The following TNS1 variants were observed in gnomAD, a reference collection of about 807,000 sequenced individuals.
TNS1 encodes the protein tensin 1.
Under a neutral mutation model 168.6 loss-of-function variants are expected in TNS1, and 62 were observed. That is an observed-to-expected ratio of 0.37 (90% CI 0.30 to 0.45). TNS1 has a LOEUF of 0.45. Ranked by LOEUF, TNS1 falls within the 20% of genes least tolerant of loss-of-function variation. TNS1 has a pLI of 1.00. For synonymous variants in TNS1, 934 were observed against 933.2 expected, an observed-to-expected ratio of 1.00 and a Z score of -0.02; for missense variants, 2,240 against 2,339.4, an observed-to-expected ratio of 0.96 and a Z score of 0.88.
chr2:217,974,463 A>G (rs1957843333), intron 3 of TNS1, among the ~76,000 whole-genome samples: 1 of 152,100 alleles, frequency 6.6e-6, no homozygotes, highest in African/African-American at 2.4e-5. Context: ...TTATCCCTTT[A>G]TAGGCACTCC....
rs1941352075 is a variant in TNS1 at position 217,813,528 on chromosome 2, T to C, written c.4861+157A>G. Among the ~76,000 whole-genome samples the C allele has an allele frequency of 6.6e-6, 1 of 152,044 alleles. No homozygotes were observed. The highest frequency in any genetic ancestry group is 2.4e-5 in the African/African-American group (1 of 41,390). On this transcript the variant is annotated intron_variant, in intron 26 of 32. Coordinates refer to ENST00000682258, the MANE Select transcript of TNS1 (RefSeq NM_001387777.1). The surrounding 1 kb of genome is among the most constrained non-coding windows in gnomAD (Gnocchi z 4.0). Reference sequence around the variant, plus strand: ...ACCCAATCGTCCTGCTTTCCCAATCTCTGACCTCAACCATCACCAAGCCCA... The same window carrying C: ...ACCCAATCGTCCTGCTTTCCCAATCCCTGACCTCAACCATCACCAAGCCCA...
intron 19 of TNS1, among the ~76,000 whole-genome samples, chr2:217,845,737 G>A (rs1946552563): frequency 6.6e-6 from 1 of 152,184 alleles, no homozygotes; most frequent in Non-Finnish European, 1.5e-5. Context: ...GGAGAGAAAG[G>A]GCTAAAAGGC....
At chr2:217,849,266 C>T (rs1231872259) in intron 18 of TNS1, among the ~76,000 whole-genome samples, 179 bp from the exon 19 acceptor site, 2 of 152,190 alleles carry the variant, frequency 1.3e-5, no homozygotes, top group Non-Finnish European at 2.9e-5. Context: ...CTACCCCAGG[C>T]TTTGGGGCAG....
In TNS1 at chr2:217,893,468, G is replaced by C. The variant is rs1951962808; in HGVS notation, c.688C>G (p.Pro230Ala). 1.1e-5 allele frequency: 17 copies of C among 1,610,888 alleles called. No homozygotes were observed. The highest frequency in any genetic ancestry group is 1.3e-5 in the African/African-American group (1 of 74,750). Residue 230 changes from proline to alanine, a missense_variant, in exon 10 of 33, where the codon CCT becomes GCT. Pro to Ala is a conservative substitution (Grantham distance 27). This residue lies in a region of TNS1 where 2,131 missense variants were observed against 2,171.2 expected (regional missense o/e 0.98). Transcript: ENST00000682258. ...TTGTGTAGAACAACGACATTGTGAG[G>C]GTCTGCATTGAGCCATGTGTCCATG... ...KAMDTWLNADPHNVVVLHNKG... is the reference protein window; with the variant it reads ...KAMDTWLNADAHNVVVLHNKG...
intron 8 of TNS1, among the ~76,000 whole-genome samples, chr2:217,895,483 C>T (rs114701450): frequency 0.022 from 3,346 of 152,300 alleles, 65 homozygotes; most frequent in Non-Finnish European, 0.033. Flanking sequence ...TCTCCAGTTC[C>T]GCTTGCCTCT....
intron 18 of TNS1, chr2:217,879,194 T>C (rs1362191670): frequency 2.8e-5 from 8 of 285,524 alleles, no homozygotes; most frequent in Non-Finnish European, 5.5e-5. Flanking sequence ...TTAATTATTT[T>C]ACCTTTTATT....
chr2:217,996,055 T>C (rs897179477), intron 1 of TNS1, among the ~76,000 whole-genome samples: 4 of 152,090 alleles, frequency 2.6e-5, no homozygotes, highest in Non-Finnish European at 4.4e-5. Flanking sequence ...AAAGTCTGTT[T>C]GTTGGTTCCT....
At chr2:217,941,796 A>G (rs1956925045) in intron 3 of TNS1, among the ~76,000 whole-genome samples, 1 of 152,140 alleles carries the variant, frequency 6.6e-6, no homozygotes, top group Admixed American at 6.5e-5. Flanking sequence ...CTGACCCACC[A>G]GGGTCCTTAG....
intron 3 of TNS1, among the ~76,000 whole-genome samples, chr2:217,920,561 G>T (rs1263803173): frequency 2.9e-5 from 4 of 136,798 alleles, no homozygotes; most frequent in Non-Finnish European, 6.1e-5. Flanking sequence ...ATAAGAAGAA[G>T]GATTTTTTTT....
At position 217,884,206 on chromosome 2, in the gene TNS1, T is replaced by C. The variant is rs1384614322; in HGVS notation, c.1246+829A>G. Among the ~76,000 whole-genome samples the C allele has an allele frequency of 2.9e-5, 4 of 136,496 alleles. No individual in the cohort carries two copies. The East Asian group carries it at 8.5e-4, about 29-fold the overall frequency. 89.5% of individuals were successfully genotyped at this position (136,496 alleles called of 152,430 possible). Reference sequence around the variant, plus strand: ...GGATGGGTGGGCAGATGAATGAATATGTGGATGGATGGACAGATTAATGAA... The same window carrying C: ...GGATGGGTGGGCAGATGAATGAATACGTGGATGGATGGACAGATTAATGAA... On this transcript the variant is annotated intron_variant, in intron 16 of 32. Coordinates refer to ENST00000682258, the MANE Select transcript of TNS1 (RefSeq NM_001387777.1).
rs145403143 is a variant in TNS1, at chr2:217,816,425, C to T, written c.4642+1265G>A. Among the ~76,000 whole-genome samples, 53 of 152,282 alleles carry T rather than the reference C, an allele frequency of 3.5e-4. 1 individual carries two copies. The East Asian group carries it at 9.9e-3, about 28-fold the overall frequency. ...AGTCAATTTCAACCTATGATTTACA[C>T]TCCCTTATGCTTCTGGGATCTGTCT... On this transcript the variant is annotated intron_variant, in intron 24 of 32. Transcript: ENST00000682258.
chr2:217,957,917 G>T (rs1458992334), intron 3 of TNS1, among the ~76,000 whole-genome samples: 2 of 147,246 alleles, frequency 1.4e-5, no homozygotes, highest in East Asian at 4.1e-4. Context: ...ATGGATGGTT[G>T]TTGAAGCCGG....
intron 17 of TNS1, chr2:217,881,297 C>A: frequency 2.8e-6 from 1 of 355,020 alleles, no homozygotes; most frequent in African/African-American, 2.1e-5. Flanking sequence ...CGGGGAGGAC[C>A]CCTGGCTGGG....
At chr2:217,890,051 C>T (rs1470950223) in intron 12 of TNS1, among the ~76,000 whole-genome samples, 5 of 152,246 alleles carry the variant, frequency 3.3e-5, no homozygotes, top group Non-Finnish European at 5.9e-5. Flanking sequence ...TAGGCCTTCA[C>T]GTACTTTCCA....
intron 22 of TNS1, chr2:217,830,259 C>T: frequency 1.4e-6 from 2 of 1,428,176 alleles, no homozygotes; most frequent in Non-Finnish European, 1.9e-6. Flanking sequence ...CCCCCTTCTA[C>T]TGATCCCCCG....
chr2:217,900,533 G>A (rs755634163), intron 6 of TNS1, 21 bp from the exon 7 acceptor site: 1 of 1,535,518 alleles, frequency 6.5e-7, no homozygotes, highest in Non-Finnish European at 8.7e-7. Flanking sequence ...GAGAAGAGAA[G>A]CAGCATTATG....
At chr2:217,823,856 G>A (rs1403367398) in intron 22 of TNS1, among the ~76,000 whole-genome samples, 1 of 152,230 alleles carries the variant, frequency 6.6e-6, no homozygotes, top group Non-Finnish European at 1.5e-5. Context: ...GGCAGTGCCA[G>A]CAAGGCCTCC....
At chr2:217,861,696 G>A (rs1432525885) in intron 18 of TNS1, among the ~76,000 whole-genome samples, 1 of 152,120 alleles carries the variant, frequency 6.6e-6, no homozygotes, top group African/African-American at 2.4e-5. Context: ...CTGTAAAATG[G>A]GTATACTAGT....
rs1367052236 is a variant in TNS1 at position 217,804,469 on chromosome 2, T to C, written c.5510A>G (p.Gln1837Arg). The change falls in exon 33 of 33, where the codon CAA (glutamine) becomes CGA (arginine). Residue 1837 changes from glutamine to arginine, a missense_variant. By Grantham distance (43) the Gln-to-Arg change is conservative (BLOSUM62 1). Coordinates refer to ENST00000682258, the MANE Select transcript of TNS1 (RefSeq NM_001387777.1). The part of the protein sequence containing the change: ...FVSKVMLNAG[Q>R]KR ...GGCAAGGGGCAGGGTTCATCTCTTT[T>C]GGCCGGCATTCAGCATGACCTTGGA... The C allele has an allele frequency of 6.2e-7, 1 of 1,614,016 alleles. No homozygotes were observed. Among genetic ancestry groups the C allele is most frequent in the Non-Finnish European group, 8.5e-7 (1 of 1,180,004 alleles).
Sources: gnomAD v4.1 joint callset for allele counts (sites outside exome capture counted in the v4.1 genomes callset) on GRCh38, gnomAD v4.1.1 for gene constraint, gnomAD v4.1.1 regional missense constraint, Gnocchi (gnomAD v3.1) non-coding constraint, MANE v1.5 for transcripts, NCBI Gene and HGNC (gene_info 2026-07-23, HGNC 2026-07-21) for gene names.